The following CLASP2 variants were observed in gnomAD, a reference collection of about 807,000 sequenced individuals.
CLASP2 encodes the protein cytoplasmic linker associated protein 2.
Under a neutral mutation model 194.4 loss-of-function variants are expected in CLASP2, and 47 were observed. The ratio of observed to expected loss-of-function variants is 0.24; its 90% CI spans 0.19 to 0.31. The LOEUF is 0.31. CLASP2 is among the 10% of genes least tolerant of loss of function. The pLI is 1.00. For synonymous variants in CLASP2, 619 were observed against 633.5 expected (o/e 0.98, Z 0.34); for missense variants, 1,445 against 1,823.6 (o/e 0.79, Z 3.78).
chr3:33,515,660 A>C (rs1308804013), intron 36 of CLASP2, among the ~76,000 whole-genome samples: 1 of 152,108 alleles, frequency 6.6e-6, no homozygotes, highest in Admixed American at 6.6e-5. Context: ...ACAAACAAAC[A>C]ACCCCCCCAA....
intron 13 of CLASP2, among the ~76,000 whole-genome samples, chr3:33,609,254 T>C (rs925291013): frequency 9.2e-5 from 14 of 152,114 alleles, no homozygotes; most frequent in Non-Finnish European, 1.3e-4. Context: ...TACTCCAGCC[T>C]GGGCAACACA....
At chr3:33,665,087 A>G (rs1340432536) in intron 6 of CLASP2, among the ~76,000 whole-genome samples, 1 of 151,678 alleles carries the variant, frequency 6.6e-6, no homozygotes, top group Non-Finnish European at 1.5e-5. Flanking sequence ...TGGGTGACAG[A>G]GCGAGATTTT....
At chr3:33,511,655 G>A (rs922561765) in intron 36 of CLASP2, among the ~76,000 whole-genome samples, 1 of 126,050 alleles carries the variant, frequency 7.9e-6, no homozygotes, top group African/African-American at 2.9e-5. Flanking sequence ...AGAAATGGCT[G>A]TCTATCTTCT....
chr3:33,641,837 C>T (rs1431615572), intron 8 of CLASP2, among the ~76,000 whole-genome samples: 3 of 151,478 alleles, frequency 2.0e-5, no homozygotes, highest in South Asian at 2.1e-4. Context: ...CACTATTATA[C>T]ATTTCCACCT....
intron 2 of CLASP2, among the ~76,000 whole-genome samples, chr3:33,694,599 A>G (rs867417566): frequency 1.3e-5 from 2 of 152,176 alleles, no homozygotes; most frequent in African/African-American, 4.8e-5. Flanking sequence ...AGTTACGAAG[A>G]GACAAGAGGA....
At chr3:33,581,706 G>A in intron 23 of CLASP2, 115 bp downstream of exon 23, 1 of 669,598 alleles carries the variant, frequency 1.5e-6, no homozygotes, top group Non-Finnish European at 2.6e-6. Flanking sequence ...GACAGAAAAG[G>A]GGTAGAGAGA....
At chr3:33,512,753 G>A (rs1244167195) in intron 36 of CLASP2, among the ~76,000 whole-genome samples, 2 of 151,304 alleles carry the variant, frequency 1.3e-5, no homozygotes, top group Non-Finnish European at 2.9e-5. Context: ...ACTTTGGGAG[G>A]CTGAGGCAGG....
intron 14 of CLASP2, 45 bp from the exon 15 acceptor site, chr3:33,607,506 T>C: frequency 7.2e-7 from 1 of 1,385,054 alleles, no homozygotes; most frequent in Non-Finnish European, 1.0e-6. Flanking sequence ...TAGCTGTATG[T>C]TTCACCACAA....
At chr3:33,574,615 A>T in intron 24 of CLASP2, 1 of 569,736 alleles carries the variant, frequency 1.8e-6, no homozygotes, top group Non-Finnish European at 3.0e-6. Flanking sequence ...TTTTTTTCAC[A>T]CATAGGTACA....
At chr3:33,695,866 CA>C (rs773367329) in intron 2 of CLASP2, among the ~76,000 whole-genome samples, 16 of 152,134 alleles carry the variant, frequency 1.1e-4, no homozygotes, top group Non-Finnish European at 2.1e-4. Flanking sequence ...ATAATAGGAT[CA>C]AATCCACTTA....
chr3:33,503,555 A>T (rs1293606560), intron 37 of CLASP2: 1 of 151,496 alleles, frequency 6.6e-6, no homozygotes, highest in South Asian at 2.1e-4. Flanking sequence ...GGTCTCCCAC[A>T]TAGCTGCGAT....
chr3:33,639,716 G>T (rs2080934691), intron 8 of CLASP2, among the ~76,000 whole-genome samples: 1 of 152,144 alleles, frequency 6.6e-6, no homozygotes, highest in African/African-American at 2.4e-5. Flanking sequence ...GAAAGCATCA[G>T]GGATGGATAG....
intron 23 of CLASP2, among the ~76,000 whole-genome samples, chr3:33,578,435 T>C (rs899795436): frequency 2.0e-5 from 3 of 152,194 alleles, no homozygotes; most frequent in Non-Finnish European, 4.4e-5. Flanking sequence ...TTTAATAAAA[T>C]ACATTACTTT....
chr3:33,501,102 GACTT>G (rs1453015565), intron 38 of CLASP2, among the ~76,000 whole-genome samples: 1 of 152,056 alleles, frequency 6.6e-6, no homozygotes, highest in Non-Finnish European at 1.5e-5. Flanking sequence ...AGAAAGGCAA[GACTT>G]ACTTATTTTT....
At chr3:33,499,325 T>C (rs1341870680) in intron 38 of CLASP2, among the ~76,000 whole-genome samples, 2 of 151,370 alleles carry the variant, frequency 1.3e-5, no homozygotes, top group Non-Finnish European at 2.9e-5. Context: ...TTAAATCTCT[T>C]TATGAATTAC....
At chr3:33,641,299 A>G (rs1423548168) in intron 8 of CLASP2, among the ~76,000 whole-genome samples, 1 of 151,996 alleles carries the variant, frequency 6.6e-6, no homozygotes, top group Non-Finnish European at 1.5e-5. Context: ...TTGAGCCAAA[A>G]GAAAGAAAAA....
intron 32 of CLASP2, among the ~76,000 whole-genome samples, chr3:33,541,334 A>T (rs2058325282): frequency 6.6e-6 from 1 of 152,166 alleles, no homozygotes; most frequent in Admixed American, 6.5e-5. Flanking sequence ...TCTTAAAAAA[A>T]CTTTTAAGTT....
At chr3:33,567,452 A>G (rs1054272250) in intron 26 of CLASP2, among the ~76,000 whole-genome samples, 7 of 152,174 alleles carry the variant, frequency 4.6e-5, no homozygotes, top group Non-Finnish European at 7.4e-5. Flanking sequence ...TAAAATGCCA[A>G]TTCAAAGCAT....
At chr3:33,665,089 C>A (rs1299392505) in intron 6 of CLASP2, among the ~76,000 whole-genome samples, 3 of 147,770 alleles carry the variant, frequency 2.0e-5, no homozygotes, top group Non-Finnish European at 3.0e-5. Context: ...GGTGACAGAG[C>A]GAGATTTTGT....
Sources: gnomAD v4.1 joint callset for allele counts (sites outside exome capture counted in the v4.1 genomes callset) on GRCh38, gnomAD v4.1.1 for gene constraint, MANE v1.5 for transcripts, NCBI Gene and HGNC (gene_info 2026-07-23, HGNC 2026-07-21) for gene names.